Variants in ADGRL3 observed in about 807,000 individuals in gnomAD.
ADGRL3 encodes calcium-independent alpha-latrotoxin receptor 3.
A neutral mutation model predicts 153.5 loss-of-function variants in ADGRL3; 62 were observed. The ratio of observed to expected loss-of-function variants is 0.40; its 90% CI spans 0.33 to 0.50. The LOEUF is 0.50. Among genes scored for constraint, ADGRL3 ranks in the 20% least tolerant of loss-of-function variants. The pLI is 0.47. For synonymous variants in ADGRL3, 710 were observed against 672.5 expected, an observed-to-expected ratio of 1.06 and a Z score of -0.86; for missense variants, 1,641 against 1,859.4, an observed-to-expected ratio of 0.88 and a Z score of 2.16.
At chr4:61,644,958 T>A (rs1349806441) in intron 5 of ADGRL3, among the ~76,000 whole-genome samples, 1 of 152,072 alleles carries the variant, frequency 6.6e-6, no homozygotes, top group East Asian at 1.9e-4. Flanking sequence ...GCTTTATGAA[T>A]CTGGGTGCTC....
intron 25 of ADGRL3, among the ~76,000 whole-genome samples, chr4:62,066,708 CAGAAT>C (rs1743165366): frequency 6.6e-6 from 1 of 151,906 alleles, no homozygotes; most frequent in African/African-American, 2.4e-5. Flanking sequence ...AGTCCTAGAA[CAGAAT>C]ATAGTGAAGA....
intron 4 of ADGRL3, among the ~76,000 whole-genome samples, chr4:61,534,362 C>T (rs559837579): frequency 6.6e-6 from 1 of 152,236 alleles, no homozygotes; most frequent in South Asian, 2.1e-4. Context: ...AGTTTAAAGT[C>T]AGGAAATGTG....
chr4:61,971,895 A>C (rs369459226), intron 17 of ADGRL3, among the ~76,000 whole-genome samples: 177 of 152,264 alleles, frequency 1.2e-3, no homozygotes, highest in African/African-American at 4.0e-3. Flanking sequence ...ATTTGCATTT[A>C]TCTGATGGCC....
At position 61,584,572 on chromosome 4, in the gene ADGRL3, T is replaced by A. The variant is rs115396652; in HGVS notation, c.260-2655T>A. Among the ~76,000 whole-genome samples the A allele has an allele frequency of 9.9e-3, 1,503 of 152,144 alleles. 12 individuals carry two copies. Among genetic ancestry groups the A allele is most frequent in the Middle Eastern group, 0.017 (5 of 294 alleles). The stretch of plus-strand genomic sequence containing the variant: ...GCTTATTTGTTATTTTTTTGTTACA[T>A]TAACCTTTTTTTAAAAAACTTAATT... On this transcript the variant is annotated intron_variant, in intron 4 of 26. Transcript: ENST00000683033.
chr4:61,936,870 G>A (rs1419871480), intron 15 of ADGRL3, among the ~76,000 whole-genome samples: 1 of 151,106 alleles, frequency 6.6e-6, no homozygotes, highest in Non-Finnish European at 1.5e-5. Context: ...CCAAGTGATA[G>A]GAAGATGACC....
chr4:61,721,245 T>G (rs953378793), intron 6 of ADGRL3, among the ~76,000 whole-genome samples: 3 of 152,210 alleles, frequency 2.0e-5, no homozygotes, highest in African/African-American at 7.2e-5. Context: ...ATAGGCTGCC[T>G]GCAAACTGAG....
Position 61,575,319 on chromosome 4 carries a change from G to A in ADGRL3, c.260-11908G>A, listed in dbSNP as rs1452547095. On this transcript the variant is annotated intron_variant, in intron 4 of 26. Transcript: ENST00000683033. Reference sequence around the variant, plus strand: ...AACATAGAGAACAGATGCTTTATGAGATTTTAAATTTGTGTTCTAGTAATT... The same window carrying A: ...AACATAGAGAACAGATGCTTTATGAAATTTTAAATTTGTGTTCTAGTAATT... Among the ~76,000 whole-genome samples, 3 of 151,902 alleles carry A rather than the reference G, an allele frequency of 2.0e-5. No individual in the cohort carries two copies. In the East Asian group the frequency reaches 5.8e-4, roughly 29 times the overall value.
At chr4:61,843,985 C>T (rs180972500) in intron 9 of ADGRL3, among the ~76,000 whole-genome samples, 2 of 149,324 alleles carry the variant, frequency 1.3e-5, no homozygotes, top group Admixed American at 6.7e-5. Context: ...GATGCCATTG[C>T]ACTCCAGCCT....
intron 2 of ADGRL3, among the ~76,000 whole-genome samples, chr4:61,428,847 C>T (rs75274201): frequency 8.9e-6 from 1 of 112,092 alleles, no homozygotes; most frequent in Non-Finnish European, 2.0e-5. Flanking sequence ...ATCTATCTAT[C>T]TATCTATCTA....
intron 8 of ADGRL3, among the ~76,000 whole-genome samples, chr4:61,767,355 T>G (rs1350583859): frequency 2.0e-5 from 3 of 151,544 alleles, no homozygotes; most frequent in Non-Finnish European, 4.4e-5. Context: ...ATGGGGAGTT[T>G]TAAGAGGTTT....
At chr4:61,907,336 G>A (rs1205731426) in intron 11 of ADGRL3, among the ~76,000 whole-genome samples, 1 of 151,968 alleles carries the variant, frequency 6.6e-6, no homozygotes, top group South Asian at 2.1e-4. Flanking sequence ...TCAGCTCACG[G>A]CAACCTCCAC....
At chr4:61,303,437 C>T (rs1036788400) in intron 1 of ADGRL3, among the ~76,000 whole-genome samples, 1 of 151,720 alleles carries the variant, frequency 6.6e-6, no homozygotes, top group East Asian at 1.9e-4. Flanking sequence ...TAAGGTGATA[C>T]AGATAACTCT....
intron 2 of ADGRL3, among the ~76,000 whole-genome samples, chr4:61,452,707 T>C (rs1422331299): frequency 6.6e-6 from 1 of 152,194 alleles, no homozygotes; most frequent in Non-Finnish European, 1.5e-5. Context: ...ATAGTGAATA[T>C]AATATGTCTG....
chr4:61,983,749 T>C lies in ADGRL3; in HGVS notation c.3236+146T>C, dbSNP rs562869321. 160 of 710,608 alleles carry C rather than the reference T, an allele frequency of 2.3e-4. No homozygotes were observed. The African/African-American group carries it at 2.5e-3, about 11-fold the overall frequency. 44.0% of individuals were successfully genotyped at this position (710,608 alleles called of 1,614,324 possible). A position where few individuals can be genotyped will look rare whatever the true frequency, so the allele number is the denominator to read the frequency against. On this transcript the variant is annotated intron_variant, in intron 19 of 26. Coordinates refer to ENST00000683033, the MANE Select transcript of ADGRL3 (RefSeq NM_001387552.1). ...TCAATCCATGGTTATACTTTGGTTATGATGTAAAAAGAAAAAAATACCTTG... is the reference window on the plus strand; with the variant it reads ...TCAATCCATGGTTATACTTTGGTTACGATGTAAAAAGAAAAAAATACCTTG...
rs1326103745 is a variant in ADGRL3 at position 61,202,301 on chromosome 4, T to A, written c.-240+536T>A. 1.3e-5 allele frequency: 2 copies of A among 152,514 alleles called. No individual in the cohort carries two copies. The highest frequency in any genetic ancestry group is 2.9e-5 in the Non-Finnish European group (2 of 68,344). The allele number at this position is 152,514 out of a possible 1,614,324, so 9.4% of individuals were successfully genotyped here. On this transcript the variant is annotated intron_variant, in intron 1 of 26. Transcript: ENST00000683033. This position sits in a 1 kb window ranked among gnomAD's most constrained non-coding sequence, Gnocchi z 5.0. ...GCCCGGCGCGATTCTCCCTCAACGCTTGCCTGGAGCATCCCTGGCCCCTTT... is the reference window on the plus strand; with the variant it reads ...GCCCGGCGCGATTCTCCCTCAACGCATGCCTGGAGCATCCCTGGCCCCTTT...
intron 4 of ADGRL3, among the ~76,000 whole-genome samples, chr4:61,570,820 A>G (rs2098835673): frequency 1.3e-5 from 2 of 152,138 alleles, no homozygotes; most frequent in African/African-American, 4.8e-5. Flanking sequence ...CTCCCAGGTC[A>G]TTTGCATTAT....
intron 19 of ADGRL3, among the ~76,000 whole-genome samples, chr4:61,985,907 T>A (rs1355762091): frequency 6.9e-6 from 1 of 144,358 alleles, no homozygotes; most frequent in African/African-American, 2.5e-5. Context: ...CTAGGATTAG[T>A]AAAAAAAAAA....
chr4:61,635,403 A>G (rs755018735), intron 5 of ADGRL3, among the ~76,000 whole-genome samples: 1 of 152,154 alleles, frequency 6.6e-6, no homozygotes, highest in Non-Finnish European at 1.5e-5. Flanking sequence ...GATGGTAGAG[A>G]TAAGAACTGA....
chr4:61,450,294 C>T (rs929235873), intron 2 of ADGRL3, among the ~76,000 whole-genome samples: 2 of 152,108 alleles, frequency 1.3e-5, no homozygotes, highest in African/African-American at 2.4e-5. Flanking sequence ...GACCAAAATA[C>T]CTAGTAGAAT....
Sources: gnomAD v4.1 joint callset for allele counts (sites outside exome capture counted in the v4.1 genomes callset) on GRCh38, gnomAD v4.1.1 for gene constraint, Gnocchi (gnomAD v3.1) non-coding constraint, MANE v1.5 for transcripts, NCBI Gene and HGNC (gene_info 2026-07-23, HGNC 2026-07-21) for gene names.